PRKACB: variants seen among roughly 807,000 people sequenced by gnomAD.
PRKACB encodes protein kinase cAMP-activated catalytic subunit beta, also known as cAMP-dependent protein kinase catalytic subunit beta.
A neutral mutation model predicts 51.4 loss-of-function variants in PRKACB; 16 were observed. The ratio of observed to expected loss-of-function variants is 0.31; its 90% confidence interval spans 0.21 to 0.47. The LOEUF (loss-of-function observed/expected upper bound fraction) is 0.47, where lower values mean the gene tolerates loss of function less well. PRKACB is among the 20% of genes least tolerant of loss of function. PRKACB has a pLI of 1.00. For missense variants in PRKACB, 309 were observed against 464.5 expected (o/e 0.67, Z 3.08); for synonymous variants, 147 against 154.4 (o/e 0.95, Z 0.35).
upstream of PRKACB, among the ~76,000 whole-genome samples, chr1:84,140,057 C>G (rs1653249034): frequency 1.3e-5 from 2 of 151,200 alleles, no homozygotes; most frequent in African/African-American, 4.9e-5. Flanking sequence ...GAGACTCCGT[C>G]TCAAGAAAAA....
intron 1 of PRKACB, among the ~76,000 whole-genome samples, chr1:84,163,920 A>G (rs1215463185): frequency 6.6e-6 from 1 of 151,950 alleles, no homozygotes; most frequent in African/African-American, 2.4e-5. Context: ...CTGGTAATCA[A>G]AACAATCTGT....
chr1:84,088,435 C>T lies in PRKACB; in HGVS notation c.46+10064C>T, dbSNP rs148548719. ...AGTCCTGTTTAGTAAAATGAATATTCCATTTCTATACTGTATTCTTCTTAA... is the reference window on the plus strand; with the variant it reads ...AGTCCTGTTTAGTAAAATGAATATTTCATTTCTATACTGTATTCTTCTTAA... On this transcript the variant is annotated intron_variant, in intron 1 of 8. Coordinates refer to the PRKACB transcript ENST00000370688. Among the ~76,000 whole-genome samples the T allele has an allele frequency of 5.7e-3, 872 of 152,214 alleles. 3 individuals carry two copies. Among genetic ancestry groups the T allele is most frequent in the Middle Eastern group, 0.017 (5 of 294 alleles).
At chr1:84,219,509 C>A (rs746111637) in intron 9 of PRKACB, among the ~76,000 whole-genome samples, 3 of 151,970 alleles carry the variant, frequency 2.0e-5, no homozygotes, top group Non-Finnish European at 4.4e-5. Flanking sequence ...CCATGCCCCA[C>A]CCATAAAATC....
At chr1:84,102,956 G>T (rs527250548) in intron 1 of PRKACB, among the ~76,000 whole-genome samples, 2 of 152,010 alleles carry the variant, frequency 1.3e-5, no homozygotes, top group African/African-American at 4.8e-5. Context: ...TCTCACCATC[G>T]TGTATTGGGC....
intron 1 of PRKACB, among the ~76,000 whole-genome samples, chr1:84,096,038 T>C (rs1454698920): frequency 2.6e-5 from 4 of 152,028 alleles, no homozygotes; most frequent in Non-Finnish European, 4.4e-5. Context: ...TATCATGTTA[T>C]ATTTCTTAAG....
intron 1 of PRKACB, among the ~76,000 whole-genome samples, chr1:84,146,783 C>A (rs1311381583): frequency 1.3e-5 from 2 of 152,088 alleles, no homozygotes; most frequent in South Asian, 2.1e-4. Flanking sequence ...ATCCAAGTTT[C>A]TTTCGTGTCC....
At chr1:84,163,558 T>C (rs1246255894) in intron 1 of PRKACB, among the ~76,000 whole-genome samples, 4 of 151,950 alleles carry the variant, frequency 2.6e-5, no homozygotes, top group African/African-American at 9.7e-5. Flanking sequence ...AGCCCTACCC[T>C]GGTAGAAGTA....
chr1:84,182,156 GT>G, intron 2 of PRKACB, 43 bp from the exon 3 acceptor site: 1 of 1,349,094 alleles, frequency 7.4e-7, no homozygotes, highest in African/African-American at 1.5e-5. Context: ...TTCCCATAGT[GT>G]TTTTACGAGA....
intron 1 of PRKACB, among the ~76,000 whole-genome samples, chr1:84,123,849 A>G (rs1651307106): frequency 6.6e-6 from 1 of 152,206 alleles, no homozygotes. Flanking sequence ...TATGTTACAT[A>G]GTCTAATATA....
chr1:84,143,907 A>G (rs1472297626), upstream of PRKACB, among the ~76,000 whole-genome samples: 1 of 152,118 alleles, frequency 6.6e-6, no homozygotes, highest in East Asian at 1.9e-4. Context: ...GATTCATAAA[A>G]TCTGTATATT....
At chr1:84,083,666 T>G (rs1045517427) in intron 1 of PRKACB, among the ~76,000 whole-genome samples, 1 of 152,200 alleles carries the variant, frequency 6.6e-6, no homozygotes, top group Non-Finnish European at 1.5e-5. Flanking sequence ...AAGTTCTATA[T>G]CTAGGTGATA....
rs1422253418 is a variant in PRKACB at position 84,237,276 on chromosome 1, A to G, written c.*1971A>G. On this transcript the variant is annotated 3_prime_UTR_variant, in exon 10 of 10. Coordinates refer to ENST00000370685, the MANE Select transcript of PRKACB (RefSeq NM_182948.4). ...TCTTGTATTTCATTTAGACCCAAGA[A>G]CATGCTGACCAATGTGTTCTATATG... 1 of 152,620 alleles carries G rather than the reference A, an allele frequency of 6.6e-6. No homozygotes were observed. The highest frequency in any genetic ancestry group is 1.5e-5 in the Non-Finnish European group (1 of 68,010). 9.5% of individuals were successfully genotyped at this position (152,620 alleles called of 1,614,324 possible).
At chr1:84,204,828 C>T (rs1671076985) in intron 8 of PRKACB, 1 of 969,642 alleles carries the variant, frequency 1.0e-6, no homozygotes, top group Non-Finnish European at 1.2e-6. Context: ...AGAAAAACTG[C>T]TTTAGTTAAA....
chr1:84,167,478 C>G (rs2100762850), intron 1 of PRKACB, among the ~76,000 whole-genome samples: 1 of 151,660 alleles, frequency 6.6e-6, no homozygotes, highest in East Asian at 1.9e-4. Context: ...ACCTCCGACA[C>G]TGACCCTGTG....
At chr1:84,118,534 T>G (rs962111744) in intron 1 of PRKACB, among the ~76,000 whole-genome samples, 2 of 151,270 alleles carry the variant, frequency 1.3e-5, no homozygotes, top group Non-Finnish European at 2.9e-5. Context: ...GGAATAAGAG[T>G]GACAAAAGAA....
upstream of PRKACB, among the ~76,000 whole-genome samples, chr1:84,139,546 T>C (rs1426707073): frequency 6.6e-6 from 1 of 152,150 alleles, no homozygotes. Flanking sequence ...TGTTGAAAAC[T>C]GTAAAACACT....
chr1:84,112,359 A>G (rs1488033778), intron 1 of PRKACB, among the ~76,000 whole-genome samples: 3 of 151,512 alleles, frequency 2.0e-5, no homozygotes, highest in Non-Finnish European at 4.4e-5. Context: ...CAGCCTCCCA[A>G]GTAGCTAGGA....
chr1:84,116,187 T>C (rs1300475730), intron 1 of PRKACB, among the ~76,000 whole-genome samples: 3 of 152,178 alleles, frequency 2.0e-5, no homozygotes, highest in African/African-American at 7.2e-5. Context: ...CTAGGTTCTC[T>C]ATTTAGTTCC....
chr1:84,219,938 T>C (rs1471970249), intron 9 of PRKACB, among the ~76,000 whole-genome samples: 2 of 152,148 alleles, frequency 1.3e-5, no homozygotes, highest in Non-Finnish European at 2.9e-5. Context: ...TCAGGCTCTT[T>C]TGTGGTTCCA....
Sources: allele counts gnomAD v4.1 joint callset (sites outside exome capture counted in the v4.1 genomes callset), GRCh38; gene constraint gnomAD v4.1.1; transcripts MANE v1.5; gene names NCBI Gene and HGNC (gene_info 2026-07-23, HGNC 2026-07-21).